SGCZ: variants seen among roughly 807,000 people sequenced by gnomAD.
SGCZ encodes zeta-sarcoglycan.
In SGCZ, 40 loss-of-function variants were observed where a neutral mutation model predicts 41.3. That is an observed-to-expected ratio of 0.97 (90% CI 0.75 to 1.26). SGCZ has a LOEUF of 1.26. Ranked by LOEUF, SGCZ falls within the 50% of genes most tolerant of loss-of-function variation. The pLI is 0.00. For synonymous variants in SGCZ, 206 were observed against 137.5 expected (o/e 1.50, Z -3.49); for missense variants, 552 against 369.8 (o/e 1.49, Z -4.04).
At chr8:14,272,922 T>C (rs796707035) in intron 3 of SGCZ, among the ~76,000 whole-genome samples, 6 of 152,186 alleles carry the variant, frequency 3.9e-5, no homozygotes, top group African/African-American at 1.4e-4. Flanking sequence ...ATGGAGATGA[T>C]AAAAAACTAT....
At chr8:14,807,767 C>T (rs1801593742) in intron 1 of SGCZ, among the ~76,000 whole-genome samples, 1 of 152,012 alleles carries the variant, frequency 6.6e-6, no homozygotes, top group South Asian at 2.1e-4. Flanking sequence ...GAGCCCGCAT[C>T]ACCAAGTCAA....
intron 1 of SGCZ, among the ~76,000 whole-genome samples, chr8:14,631,016 A>T (rs1485857744): frequency 6.6e-6 from 1 of 151,926 alleles, no homozygotes; most frequent in African/African-American, 2.4e-5. Context: ...AACTTAAAGT[A>T]TAATAAAAAA....
intron 1 of SGCZ, among the ~76,000 whole-genome samples, chr8:14,616,786 A>G (rs1287401063): frequency 6.6e-6 from 1 of 152,186 alleles, no homozygotes; most frequent in East Asian, 1.9e-4. Context: ...AACACCCAAA[A>G]TAGTAAAATT....
intron 2 of SGCZ, among the ~76,000 whole-genome samples, chr8:14,391,648 G>A (rs995090281): frequency 6.6e-6 from 1 of 152,058 alleles, no homozygotes; most frequent in African/African-American, 2.4e-5. Context: ...AAAAGGCAGA[G>A]AAAACATTAT....
Position 14,821,947 on chromosome 8 carries a change from C to T in SGCZ, c.40-267021G>A, listed in dbSNP as rs115409191. Among the ~76,000 whole-genome samples, 492 of 152,094 alleles carry T rather than the reference C, an allele frequency of 3.2e-3. 4 individuals are homozygous for T. Among genetic ancestry groups the T allele is most frequent in the African/African-American group, 0.011 (473 of 41,504 alleles). The stretch of plus-strand genomic sequence containing the variant: ...TTCACCACTTCTTTTCAACATAGTA[C>T]TAAAAATCCTAGCCAGGACAATTAG... On this transcript the variant is annotated intron_variant, in intron 1 of 7. Coordinates refer to ENST00000382080, the MANE Select transcript of SGCZ (RefSeq NM_139167.4).
At chr8:14,141,608 A>G (rs184167622) in intron 5 of SGCZ, among the ~76,000 whole-genome samples, 181 of 152,340 alleles carry the variant, frequency 1.2e-3, no homozygotes, top group Non-Finnish European at 1.0e-3. Context: ...AATAAAAACC[A>G]CAATGAGATA....
chr8:14,822,260 G>C (rs147459091), intron 1 of SGCZ, among the ~76,000 whole-genome samples: 1 of 151,994 alleles, frequency 6.6e-6, no homozygotes, highest in Non-Finnish European at 1.5e-5. Context: ...AAAAATGATA[G>C]CTAAGAATAA....
intron 3 of SGCZ, among the ~76,000 whole-genome samples, chr8:14,272,304 C>G (rs898470102): frequency 3.9e-5 from 6 of 152,100 alleles, no homozygotes; most frequent in Non-Finnish European, 7.4e-5. Context: ...GCACCCGACC[C>G]TTAAATGAAA....
At chr8:14,335,888 G>T (rs1270598222) in intron 2 of SGCZ, among the ~76,000 whole-genome samples, 1 of 151,934 alleles carries the variant, frequency 6.6e-6, no homozygotes, top group Admixed American at 6.6e-5. Flanking sequence ...TTTACTCAAT[G>T]TTAATTCCAA....
At chr8:15,012,403 C>T (rs182076589) in intron 1 of SGCZ, among the ~76,000 whole-genome samples, 1 of 149,978 alleles carries the variant, frequency 6.7e-6, no homozygotes, top group Non-Finnish European at 1.5e-5. Flanking sequence ...GTTCATGCTG[C>T]AGTGAGCTAT....
At chr8:14,612,488 A>T (rs912321854) in intron 1 of SGCZ, among the ~76,000 whole-genome samples, 4 of 152,194 alleles carry the variant, frequency 2.6e-5, no homozygotes, top group Non-Finnish European at 2.9e-5. Context: ...AGACTCAGGG[A>T]AGTTCTTTAT....
At chr8:14,456,067 G>A (rs751776212) in intron 2 of SGCZ, among the ~76,000 whole-genome samples, 8 of 152,122 alleles carry the variant, frequency 5.3e-5, no homozygotes, top group South Asian at 2.1e-4. Flanking sequence ...TCATGGTGAC[G>A]CTTGCACAAC....
chr8:14,432,098 T>C (rs7013916), intron 2 of SGCZ, among the ~76,000 whole-genome samples: 116,797 of 152,158 alleles, frequency 0.77, 48,304 homozygotes, highest in Non-Finnish European at 0.92. Flanking sequence ...TAAACTAATA[T>C]AACCACTACG....
intron 1 of SGCZ, among the ~76,000 whole-genome samples, chr8:14,817,791 C>G (rs771716585): frequency 7.9e-5 from 12 of 152,158 alleles, no homozygotes; most frequent in Non-Finnish European, 1.5e-4. Context: ...CATGTACAAC[C>G]TGGCAAACCA....
chr8:14,591,348 C>G (rs1805233692), intron 1 of SGCZ, among the ~76,000 whole-genome samples: 1 of 151,876 alleles, frequency 6.6e-6, no homozygotes, highest in Non-Finnish European at 1.5e-5. Flanking sequence ...CCCTTTTAAA[C>G]AAATGAATTG....
At chr8:14,610,001 A>C (rs181037973) in intron 1 of SGCZ, among the ~76,000 whole-genome samples, 12 of 152,314 alleles carry the variant, frequency 7.9e-5, no homozygotes, top group African/African-American at 2.9e-4. Flanking sequence ...AAGTCTGTTC[A>C]CGAGGGAGAT....
At chr8:14,952,116 T>C (rs1364770040) in intron 1 of SGCZ, among the ~76,000 whole-genome samples, 2 of 152,112 alleles carry the variant, frequency 1.3e-5, no homozygotes, top group Non-Finnish European at 2.9e-5. Context: ...CTGGGGTCAA[T>C]TATAGTTTCA....
intron 2 of SGCZ, among the ~76,000 whole-genome samples, chr8:14,512,955 T>A (rs1267949537): frequency 6.6e-6 from 1 of 152,040 alleles, no homozygotes; most frequent in Non-Finnish European, 1.5e-5. Flanking sequence ...CCTGATAATG[T>A]CTATTGTTAG....
At chr8:15,142,903 C>G (rs1315555398) in intron 1 of SGCZ, among the ~76,000 whole-genome samples, 1 of 152,142 alleles carries the variant, frequency 6.6e-6, no homozygotes, top group Non-Finnish European at 1.5e-5. Flanking sequence ...AGCCACCGTG[C>G]CCAGCCAAAA....
Sources: allele counts gnomAD v4.1 joint callset (sites outside exome capture counted in the v4.1 genomes callset), GRCh38; gene constraint gnomAD v4.1.1; transcripts MANE v1.5; gene names NCBI Gene and HGNC (gene_info 2026-07-23, HGNC 2026-07-21).